The following ZNF131 variants were observed in gnomAD, a reference collection of about 807,000 sequenced individuals.
The protein encoded by ZNF131 is zinc finger protein 131.
A neutral mutation model predicts 60.0 loss-of-function variants in ZNF131; 7 were observed. The ratio of observed to expected loss-of-function variants is 0.12; its 90% CI spans 0.07 to 0.22. ZNF131 has a LOEUF of 0.22. ZNF131 is among the 10% of genes least tolerant of loss of function. The pLI is 1.00. For synonymous variants in ZNF131, 257 were observed against 253.2 expected (o/e 1.01, Z -0.14); for missense variants, 493 against 740.9 (o/e 0.67, Z 3.88).
At chr5:43,165,546 A>G (rs1289149118) in intron 5 of ZNF131, among the ~76,000 whole-genome samples, 2 of 152,200 alleles carry the variant, frequency 1.3e-5, no homozygotes, top group Middle Eastern at 3.2e-3. Flanking sequence ...GTATTTTGAA[A>G]GGAGTCTTCT....
At chr5:43,172,558 G>A (rs1470664810) in intron 5 of ZNF131, among the ~76,000 whole-genome samples, 4 of 151,142 alleles carry the variant, frequency 2.6e-5, no homozygotes, top group Non-Finnish European at 4.4e-5. Flanking sequence ...GGAGGCGGAG[G>A]TTGCAGTGAG....
At chr5:43,136,396 T>C (rs1345770047) in intron 3 of ZNF131, among the ~76,000 whole-genome samples, 1 of 151,506 alleles carries the variant, frequency 6.6e-6, no homozygotes, top group African/African-American at 2.4e-5. Flanking sequence ...GAAAAGCAGT[T>C]CTAAAATTCA....
chr5:43,167,428 A>G (rs887958613), intron 5 of ZNF131, among the ~76,000 whole-genome samples: 4 of 152,200 alleles, frequency 2.6e-5, no homozygotes, highest in African/African-American at 9.7e-5. Context: ...TTAATAAAAA[A>G]TGGATCATTT....
intron 4 of ZNF131, among the ~76,000 whole-genome samples, chr5:43,160,659 T>G (rs2111934006): frequency 6.6e-6 from 1 of 151,540 alleles, no homozygotes; most frequent in Non-Finnish European, 1.5e-5. Context: ...AGCATCACTG[T>G]TAAATGATTA....
At chr5:43,150,635 C>G (rs1334224845) in intron 4 of ZNF131, among the ~76,000 whole-genome samples, 3 of 151,882 alleles carry the variant, frequency 2.0e-5, no homozygotes, top group African/African-American at 7.3e-5. Flanking sequence ...ACTAAAAATA[C>G]AAAAAAATTA....
chr5:43,161,955 A>G lies in ZNF131; in HGVS notation c.1054+24A>G, dbSNP rs756936674. ...AGGTAATGAGCAAATACTTTGTTAAAATTTTTTTTTCCCACATGCACTTCA... is the reference window on the plus strand; with the variant it reads ...AGGTAATGAGCAAATACTTTGTTAAGATTTTTTTTTCCCACATGCACTTCA... On this transcript the variant is annotated intron_variant, in intron 5 of 6. Transcript: ENST00000682664. 3.8e-5 allele frequency: 58 copies of G among 1,538,472 alleles called. 1 individual carries two copies. Among genetic ancestry groups the G allele is most frequent in the Middle Eastern group, 3.5e-4 (2 of 5,692 alleles).
intron 4 of ZNF131, among the ~76,000 whole-genome samples, chr5:43,146,313 C>G (rs937318299): frequency 6.6e-6 from 1 of 152,140 alleles, no homozygotes; most frequent in South Asian, 2.1e-4. Flanking sequence ...TATGGCCGGG[C>G]GCGGTGGCTC....
intron 4 of ZNF131, among the ~76,000 whole-genome samples, chr5:43,155,596 T>G (rs1245858441): frequency 1.3e-5 from 2 of 152,144 alleles, no homozygotes; most frequent in African/African-American, 2.4e-5. Context: ...CAAAGCAGCC[T>G]GTTGGTTGGA....
chr5:43,162,453 G>A (rs913655270), intron 5 of ZNF131, among the ~76,000 whole-genome samples: 1 of 151,548 alleles, frequency 6.6e-6, no homozygotes, highest in Non-Finnish European at 1.5e-5. Context: ...TTAGCCAGGC[G>A]TGGTGGTGGG....
At chr5:43,123,087 C>A in intron 2 of ZNF131, 122 bp from the exon 3 acceptor site, 1 of 657,714 alleles carries the variant, frequency 1.5e-6, no homozygotes. Context: ...TCAATAATTT[C>A]TGTAGTTACG....
At chr5:43,172,884 A>G (rs1751177673) in intron 5 of ZNF131, among the ~76,000 whole-genome samples, 1 of 151,970 alleles carries the variant, frequency 6.6e-6, no homozygotes, top group Non-Finnish European at 1.5e-5. Flanking sequence ...TTGGCCTTTG[A>G]TAGGAAGTTT....
At chr5:43,135,801 G>C (rs1024094870) in intron 3 of ZNF131, among the ~76,000 whole-genome samples, 1 of 152,012 alleles carries the variant, frequency 6.6e-6, no homozygotes, top group African/African-American at 2.4e-5. Flanking sequence ...TGTCCATACA[G>C]ATTGAGCATC....
At chr5:43,154,138 G>A (rs984849411) in intron 4 of ZNF131, among the ~76,000 whole-genome samples, 3 of 152,268 alleles carry the variant, frequency 2.0e-5, no homozygotes, top group Admixed American at 6.5e-5. Flanking sequence ...ATGGTGGGGC[G>A]GGGTGGCTCA....
chr5:43,125,745 A>G (rs1305284007), intron 3 of ZNF131, among the ~76,000 whole-genome samples: 1 of 151,610 alleles, frequency 6.6e-6, no homozygotes, highest in Non-Finnish European at 1.5e-5. Flanking sequence ...ACGCCATTGC[A>G]CTCCAGCCTG....
At chr5:43,141,733 G>A (rs1430267768) in intron 4 of ZNF131, among the ~76,000 whole-genome samples, 1 of 150,428 alleles carries the variant, frequency 6.6e-6, no homozygotes, top group African/African-American at 2.5e-5. Context: ...TTGCACCACT[G>A]CACTCCAGCC....
intron 5 of ZNF131, among the ~76,000 whole-genome samples, chr5:43,162,578 T>G (rs1579874883): frequency 1.2e-4 from 12 of 96,928 alleles, no homozygotes; most frequent in Admixed American, 2.5e-4. Context: ...GTCAATAGAG[T>G]GAGACTCCAT....
chr5:43,175,185 T>G lies in ZNF131; in HGVS notation c.*52T>G, dbSNP rs759564011. Reference sequence around the variant, plus strand: ...TTACTTGTTGGGTTTTTGAACTGATTATGGGCAGTTTGACTGTCCTTAATT... The same window carrying G: ...TTACTTGTTGGGTTTTTGAACTGATGATGGGCAGTTTGACTGTCCTTAATT... On this transcript the variant is annotated 3_prime_UTR_variant, in exon 7 of 7. Transcript: ENST00000682664. The G allele has an allele frequency of 1.3e-6, 2 of 1,503,622 alleles. No individual in the cohort carries two copies. Among genetic ancestry groups the G allele is most frequent in the African/African-American group, 1.4e-5 (1 of 71,266 alleles). The allele number at this position is 1,503,622 out of a possible 1,614,324, so 93.1% of individuals were successfully genotyped here.
At chr5:43,139,436 G>GAATTAA (rs1746529370) in intron 4 of ZNF131, 127 bp downstream of exon 4, 1 of 1,080,950 alleles carries the variant, frequency 9.3e-7, no homozygotes, top group Middle Eastern at 2.8e-4. Flanking sequence ...GAATATTTAA[G>GAATTAA]GATCTATTAA....
rs142173928 is a variant in ZNF131, at chr5:43,155,572, C to T, written c.372-5677C>T. On this transcript the variant is annotated intron_variant, in intron 4 of 6. Coordinates refer to ENST00000682664, the MANE Select transcript of ZNF131 (RefSeq NM_001330707.2). Reference sequence around the variant, plus strand: ...AAGGTAGAGAGAATGCACTGCAGTTCGATTGTTAACTTCCAAAGCAGCCTG... The same window carrying T: ...AAGGTAGAGAGAATGCACTGCAGTTTGATTGTTAACTTCCAAAGCAGCCTG... Among the ~76,000 whole-genome samples the T allele has an allele frequency of 5.7e-3, 871 of 152,214 alleles. 5 individuals carry two copies. The highest frequency in any genetic ancestry group is 7.3e-3 in the Non-Finnish European group (499 of 68,016).
Sources: allele counts gnomAD v4.1 joint callset (sites outside exome capture counted in the v4.1 genomes callset), GRCh38; gene constraint gnomAD v4.1.1; transcripts MANE v1.5; gene names NCBI Gene and HGNC (gene_info 2026-07-23, HGNC 2026-07-21).